The following DNAJC9 variants were observed in gnomAD, a reference collection of about 807,000 sequenced individuals.
DNAJC9 encodes the protein dnaJ homolog subfamily C member 9.
Under a neutral mutation model 32.4 loss-of-function variants are expected in DNAJC9, and 18 were observed. The observed-to-expected ratio is 0.56, with a 90% CI of 0.38 to 0.82. The LOEUF (loss-of-function observed/expected upper bound fraction) is 0.82. Ranked by LOEUF, DNAJC9 falls within the 40% of genes least tolerant of loss-of-function variation. The pLI, the probability that DNAJC9 is intolerant of heterozygous loss-of-function variation, is 0.00. For synonymous variants in DNAJC9, 113 were observed against 122.1 expected, an observed-to-expected ratio of 0.93 and a Z score of 0.49; for missense variants, 310 against 321.8, an observed-to-expected ratio of 0.96 and a Z score of 0.28.
chr10:73,235,283 T>C (rs1426771497), downstream of DNAJC9: 2 of 1,551,798 alleles, frequency 1.3e-6, no homozygotes, highest in African/African-American at 2.7e-5. Flanking sequence ...TTTGCCCGAC[T>C]TTTTCCCCAG....
rs966923183 is a variant in DNAJC9 at position 73,244,047 on chromosome 10, A to G, written c.577-118T>C. The G allele has an allele frequency of 7.9e-6, 6 of 759,052 alleles. No homozygotes were observed. The Admixed American group carries it at 8.7e-5, about 11-fold the overall frequency. The allele number at this position is 759,052 out of a possible 1,614,324, so 47.0% of individuals were successfully genotyped here. Reference sequence around the variant, plus strand: ...TTTTATGAATATATGAATAGACAAAATGAATCGAATTACATAACTATGTCA... The same window carrying G: ...TTTTATGAATATATGAATAGACAAAGTGAATCGAATTACATAACTATGTCA... On this transcript the variant is annotated intron_variant, in intron 3 of 4. Coordinates refer to ENST00000372950, the MANE Select transcript of DNAJC9 (RefSeq NM_015190.5).
Position 73,247,063 on chromosome 10 carries a change from G to A in DNAJC9, c.127C>T (p.His43Tyr). 1 of 1,585,254 alleles carries A rather than the reference G, an allele frequency of 6.3e-7. No individual in the cohort carries two copies. The highest frequency in any genetic ancestry group is 8.6e-7 in the Non-Finnish European group (1 of 1,166,914). The change falls in exon 1 of 5, where the codon CAC (histidine) becomes TAC (tyrosine). Residue 43 changes from histidine (H) to tyrosine (Y), a missense_variant. Physicochemically the swap from His to Tyr is moderately conservative, Grantham distance 83. Transcript: ENST00000372950. ...RGYHKVSLQVHPDRVGEGDKE... is the reference protein window; with the variant it reads ...RGYHKVSLQVYPDRVGEGDKE... ...TCGCCCTCACCCACCCGGTCCGGGT[G>A]TACCTGCAGGGACACCTTGTGGTAG... is the stretch of plus-strand genomic sequence containing the variant.
chr10:73,240,618 A>G (rs994083943), downstream of DNAJC9, among the ~76,000 whole-genome samples: 8 of 151,616 alleles, frequency 5.3e-5, no homozygotes, highest in African/African-American at 1.2e-4. Context: ...GGACTGAGGC[A>G]GGAGAATGAG....
intron 1 of DNAJC9, 65 bp downstream of exon 1, chr10:73,246,945 C>T: frequency 1.9e-6 from 3 of 1,566,932 alleles, no homozygotes; most frequent in East Asian, 2.3e-5. Context: ...GGGCGGGGCC[C>T]GGTAGCCAAA....
Position 73,242,276 on chromosome 10 carries a change from T to C in DNAJC9, c.*1124A>G, listed in dbSNP as rs947276225. On this transcript the variant is annotated 3_prime_UTR_variant, in exon 5 of 5. Coordinates refer to ENST00000372950, the MANE Select transcript of DNAJC9 (RefSeq NM_015190.5). The stretch of plus-strand genomic sequence containing the variant: ...TATTTAATAGTCTACAAATCAAAGA[T>C]TTAAACAGTCCCTTAAAAATTCCAT... 2 of 152,208 alleles carry C rather than the reference T, an allele frequency of 1.3e-5. No individual in the cohort carries two copies. Among genetic ancestry groups the C allele is most frequent in the Non-Finnish European group, 2.9e-5 (2 of 68,038 alleles). The allele number at this position is 152,208 out of a possible 1,614,324, so 9.4% of individuals were successfully genotyped here. A position where few individuals can be genotyped will look rare whatever the true frequency, so the allele number is the denominator to read the frequency against.
chr10:73,234,829 C>T (rs778281633), downstream of DNAJC9: 126 of 1,551,402 alleles, frequency 8.1e-5, 1 homozygote, highest in African/African-American at 1.3e-3. Flanking sequence ...CAGTGGCACC[C>T]GACTCGCTCT....
chr10:73,233,187 T>C (rs933161811), intron 2 of DNAJC9: 10 of 1,469,812 alleles, frequency 6.8e-6, no homozygotes, highest in Non-Finnish European at 9.3e-6. Context: ...GCAGAACTTC[T>C]GGAAACCGTG....
chr10:73,243,887 A>T lies in DNAJC9; in HGVS notation c.619T>A (p.Leu207Met). ...CTATCCACGCCTTCATCAAGCCCCA[A>T]CTCCTTTCTGCTCATTTCTGCTTCT... ...AKEAEMSRKE[L>M]GLDEGVDSLK... The change falls in exon 4 of 5, where the codon TTG (leucine) becomes ATG (methionine). Residue 207 changes from leucine to methionine, a missense_variant. By Grantham distance (15) the Leu-to-Met change is conservative. Coordinates refer to ENST00000372950, the MANE Select transcript of DNAJC9 (RefSeq NM_015190.5). 1 of 1,613,996 alleles carries T rather than the reference A, an allele frequency of 6.2e-7. No individual in the cohort carries two copies. The highest frequency in any genetic ancestry group is 8.5e-7 in the Non-Finnish European group (1 of 1,179,996).
downstream of DNAJC9, chr10:73,239,287 A>G (rs760805256): frequency 2.1e-5 from 32 of 1,539,202 alleles, no homozygotes; most frequent in African/African-American, 2.7e-5. Flanking sequence ...GCATCATAAG[A>G]AGTGTCTCCT....
At chr10:73,234,669 T>G (rs1338366968), downstream of DNAJC9, 3 of 853,022 alleles carry the variant, frequency 3.5e-6, no homozygotes, top group African/African-American at 3.4e-5. Flanking sequence ...CCAAAAATCC[T>G]GAGATCTCTA....
downstream of DNAJC9, chr10:73,239,352 C>T (rs1165133822): frequency 1.3e-6 from 2 of 1,551,624 alleles, no homozygotes. Flanking sequence ...GTTGAGTATC[C>T]TCATCAGGCC....
intron 3 of DNAJC9, 33 bp from the exon 4 acceptor site, chr10:73,243,962 A>C: frequency 6.4e-7 from 1 of 1,567,304 alleles, no homozygotes; most frequent in Non-Finnish European, 8.7e-7. Flanking sequence ...ACTCAGGGCC[A>C]CCAGGAAATG....
At chr10:73,244,714 C>G (rs1050308512) in intron 3 of DNAJC9, among the ~76,000 whole-genome samples, 1 of 151,500 alleles carries the variant, frequency 6.6e-6, no homozygotes, top group African/African-American at 2.4e-5. Context: ...CCTTCCTTTG[C>G]CAAGTGTTCC....
At chr10:73,234,745 T>A (rs2043783313), downstream of DNAJC9, 1 of 1,484,852 alleles carries the variant, frequency 6.7e-7, no homozygotes, top group East Asian at 2.5e-5. Context: ...TTTATCTGAT[T>A]TCTAATCAAT....
downstream of DNAJC9, among the ~76,000 whole-genome samples, chr10:73,240,379 C>G (rs1281667792): frequency 6.6e-6 from 1 of 152,190 alleles, no homozygotes; most frequent in Non-Finnish European, 1.5e-5. Flanking sequence ...ATTATGCTTT[C>G]AGATCTGCAT....
intron 1 of DNAJC9, 22 bp from the exon 2 acceptor site, chr10:73,246,850 A>G (rs1238190336): frequency 1.2e-6 from 2 of 1,613,132 alleles, no homozygotes; most frequent in African/African-American, 2.7e-5. Flanking sequence ...GAGTATCCGT[A>G]AATCACCCCT....
At chr10:73,245,005 G>T (rs187340401) in intron 3 of DNAJC9, among the ~76,000 whole-genome samples, 1 of 152,116 alleles carries the variant, frequency 6.6e-6, no homozygotes, top group African/African-American at 2.4e-5. Flanking sequence ...TACTGTGAAT[G>T]CAGCTGTGCT....
At chr10:73,239,060 C>T (rs2043886351), downstream of DNAJC9, 1 of 391,636 alleles carries the variant, frequency 2.6e-6, no homozygotes, top group African/African-American at 2.0e-5. Context: ...TTATTTATAA[C>T]TCCTGATTTC....
downstream of DNAJC9, among the ~76,000 whole-genome samples, chr10:73,240,538 C>T (rs568700372): frequency 4.6e-5 from 7 of 152,148 alleles, no homozygotes; most frequent in African/African-American, 1.4e-4. Flanking sequence ...TGGTGAAACC[C>T]CATCTCTACT....
Sources: gnomAD v4.1 joint callset for allele counts (sites outside exome capture counted in the v4.1 genomes callset) on GRCh38, gnomAD v4.1.1 for gene constraint, MANE v1.5 for transcripts, NCBI Gene and HGNC (gene_info 2026-07-23, HGNC 2026-07-21) for gene names.